TRIM23: variants seen among roughly 807,000 people sequenced by gnomAD.
TRIM23 encodes E3 ubiquitin-protein ligase TRIM23.
Under a neutral mutation model 71.0 loss-of-function variants are expected in TRIM23, and 27 were observed. The ratio of observed to expected loss-of-function variants is 0.38; its 90% CI spans 0.28 to 0.52. The LOEUF is 0.52. TRIM23 is among the 20% of genes least tolerant of loss of function. The pLI, the probability that TRIM23 is intolerant of heterozygous loss-of-function variation, is 0.84. For synonymous variants in TRIM23, 234 were observed against 238.0 expected, an observed-to-expected ratio of 0.98 and a Z score of 0.16; for missense variants, 482 against 692.3, an observed-to-expected ratio of 0.70 and a Z score of 3.41.
chr5:65,597,237 TA>T (rs1754232193), intron 7 of TRIM23, 57 bp from the exon 8 acceptor site: 1 of 1,547,266 alleles, frequency 6.5e-7, no homozygotes, highest in Admixed American at 1.7e-5. Context: ...TAATAGCATT[TA>T]GCACCTTTAT....
intron 2 of TRIM23, among the ~76,000 whole-genome samples, chr5:65,616,328 G>A (rs560241042): frequency 9.2e-5 from 14 of 152,230 alleles, no homozygotes; most frequent in African/African-American, 3.1e-4. Context: ...TGGTATTAAT[G>A]TAGAGAAGGT....
At position 65,590,683 on chromosome 5, in the gene TRIM23, A is replaced by T; in HGVS notation, c.*1086T>A. ...TGAATAATTAATGTAAACTTTTTGA[A>T]TTTTTTTTTTCTTTAGACATTTTTC... On this transcript the variant is annotated 3_prime_UTR_variant, in exon 11 of 11. Coordinates refer to ENST00000231524, the MANE Select transcript of TRIM23 (RefSeq NM_001656.4). 3.3e-6 allele frequency: 3 copies of T among 909,318 alleles called. No homozygotes were observed. Among genetic ancestry groups the T allele is most frequent in the Non-Finnish European group, 3.9e-6 (3 of 759,880 alleles). 56.3% of individuals were successfully genotyped at this position (909,318 alleles called of 1,614,324 possible). A position where few individuals can be genotyped will look rare whatever the true frequency, so the allele number is the denominator to read the frequency against.
At chr5:65,611,581 T>A in intron 4 of TRIM23, 22 bp downstream of exon 4, 1 of 1,604,060 alleles carries the variant, frequency 6.2e-7, no homozygotes, top group Non-Finnish European at 8.5e-7. Flanking sequence ...GTGATCCAAC[T>A]GATTAATAAT....
In TRIM23 at chr5:65,624,077, G is replaced by A. The variant is rs976901592; in HGVS notation, c.81+117C>T. ...GGACGAGACTTGTAATGCCAAAAGG[G>A]GCCCAGAGGCCGCGCATCCCACCTA... is the stretch of plus-strand genomic sequence containing the variant. On this transcript the variant is annotated intron_variant, in intron 1 of 10. Transcript: ENST00000231524. 4.3e-5 allele frequency: 51 copies of A among 1,190,842 alleles called. No individual in the cohort carries two copies. In the Admixed American group the frequency reaches 8.9e-4, roughly 21 times the overall value. 73.8% of individuals were successfully genotyped at this position (1,190,842 alleles called of 1,614,324 possible). A position where few individuals can be genotyped will look rare whatever the true frequency, so the allele number is the denominator to read the frequency against.
chr5:65,591,018 G>T lies in TRIM23; in HGVS notation c.*751C>A. The T allele has an allele frequency of 1.0e-6, 1 of 988,520 alleles. No individual in the cohort carries two copies. Among genetic ancestry groups the T allele is most frequent in the African/African-American group, 1.7e-5 (1 of 57,358 alleles). 61.2% of individuals were successfully genotyped at this position (988,520 alleles called of 1,614,324 possible). On this transcript the variant is annotated 3_prime_UTR_variant, in exon 11 of 11. Coordinates refer to ENST00000231524, the MANE Select transcript of TRIM23 (RefSeq NM_001656.4). ...AATTTAGAGCTCTGACCTAGGTTCA[G>T]TCCTGGAAATGGGTCTTTCATAAAT...
intron 9 of TRIM23, among the ~76,000 whole-genome samples, chr5:65,595,171 G>A (rs560831910): frequency 9.2e-5 from 14 of 152,102 alleles, no homozygotes; most frequent in African/African-American, 3.4e-4. Context: ...CAGCACTTTG[G>A]GAGGCTGAGG....
intron 7 of TRIM23, 96 bp downstream of exon 7, chr5:65,604,814 GA>G (rs1754454811): frequency 8.2e-7 from 1 of 1,224,324 alleles, no homozygotes; most frequent in Non-Finnish European, 1.1e-6. Flanking sequence ...CCTAATTCAT[GA>G]ATTTCATGGT....
chr5:65,603,793 C>T (rs1365368230), intron 7 of TRIM23, among the ~76,000 whole-genome samples: 1 of 151,978 alleles, frequency 6.6e-6, no homozygotes, highest in East Asian at 1.9e-4. Context: ...ATATATCAAC[C>T]AAATCCCAAG....
In TRIM23 at chr5:65,590,520, T is replaced by G; in HGVS notation, c.*1249A>C. The G allele has an allele frequency of 8.5e-7, 1 of 1,171,334 alleles. No homozygotes were observed. 72.6% of individuals were successfully genotyped at this position (1,171,334 alleles called of 1,614,324 possible). A position where few individuals can be genotyped will look rare whatever the true frequency, so the allele number is the denominator to read the frequency against. Reference sequence around the variant, plus strand: ...AATTCAACTAATAAGATTTAAGATTTAACTTCATCCTAATGTATCAGAACA... The same window carrying G: ...AATTCAACTAATAAGATTTAAGATTGAACTTCATCCTAATGTATCAGAACA... On this transcript the variant is annotated 3_prime_UTR_variant, in exon 11 of 11. Coordinates refer to ENST00000231524, the MANE Select transcript of TRIM23 (RefSeq NM_001656.4).
At chr5:65,614,308 T>G (rs1754727811) in intron 2 of TRIM23, 89 bp from the exon 3 acceptor site, 1 of 1,249,064 alleles carries the variant, frequency 8.0e-7, no homozygotes. Flanking sequence ...TCTAATATAG[T>G]TCAGTAGTTA....
At chr5:65,612,210 G>T (rs1271884568) in intron 3 of TRIM23, among the ~76,000 whole-genome samples, 1 of 152,136 alleles carries the variant, frequency 6.6e-6, no homozygotes, top group Non-Finnish European at 1.5e-5. Flanking sequence ...CCATAGAGAA[G>T]TCAAAAGTCT....
chr5:65,613,298 T>G (rs1220796309), intron 3 of TRIM23, among the ~76,000 whole-genome samples: 1 of 152,002 alleles, frequency 6.6e-6, no homozygotes, highest in Non-Finnish European at 1.5e-5. Context: ...GAAAACAGAG[T>G]GTTGCAGTTT....
chr5:65,606,441 C>T (rs13165845), intron 6 of TRIM23, among the ~76,000 whole-genome samples: 7,150 of 149,856 alleles, frequency 0.048, 317 homozygotes, highest in African/African-American at 0.098. Context: ...AAGACCCTGT[C>T]CCCAACCCAC....
chr5:65,613,501 AC>A (rs1484585378), intron 3 of TRIM23, among the ~76,000 whole-genome samples: 6 of 152,254 alleles, frequency 3.9e-5, no homozygotes, highest in Non-Finnish European at 8.8e-5. Flanking sequence ...GTCCTATAGT[AC>A]ATATGTGCAG....
In TRIM23 at chr5:65,624,115, C is replaced by T. The variant is rs1314570086; in HGVS notation, c.81+79G>A. 5 of 1,571,720 alleles carry T rather than the reference C, an allele frequency of 3.2e-6. No homozygotes were observed. The South Asian group carries it at 3.3e-5, about 11-fold the overall frequency. Reference sequence around the variant, plus strand: ...CGCATCCCACCTATCGAAGCCTGGGCCGCGGCGATGCCGCCAGGTCTCCAG... The same window carrying T: ...CGCATCCCACCTATCGAAGCCTGGGTCGCGGCGATGCCGCCAGGTCTCCAG... On this transcript the variant is annotated intron_variant, in intron 1 of 10. Coordinates refer to ENST00000231524, the MANE Select transcript of TRIM23 (RefSeq NM_001656.4).
chr5:65,616,268 C>G (rs1754775987), intron 2 of TRIM23, among the ~76,000 whole-genome samples: 1 of 152,116 alleles, frequency 6.6e-6, no homozygotes, highest in Non-Finnish European at 1.5e-5. Flanking sequence ...AGTTCCCTGT[C>G]ATAAATTTCT....
At chr5:65,599,148 G>C (rs1754292825) in intron 7 of TRIM23, among the ~76,000 whole-genome samples, 1 of 149,642 alleles carries the variant, frequency 6.7e-6, no homozygotes, top group African/African-American at 2.4e-5. Flanking sequence ...CAGATGACAT[G>C]ATCTTGTATG....
At chr5:65,622,417 T>C (rs1301925388) in intron 1 of TRIM23, among the ~76,000 whole-genome samples, 1 of 152,206 alleles carries the variant, frequency 6.6e-6, no homozygotes, top group Non-Finnish European at 1.5e-5. Flanking sequence ...TCCGCCCACT[T>C]TGGCCTCCCA....
chr5:65,591,253 TA>T lies in TRIM23; in HGVS notation c.*515del, dbSNP rs557141867. The T allele has an allele frequency of 2.1e-4, 276 of 1,303,372 alleles. No homozygotes were observed. The African/African-American group carries it at 4.1e-3, about 19-fold the overall frequency. 80.7% of individuals were successfully genotyped at this position (1,303,372 alleles called of 1,614,324 possible). Reference sequence around the variant, plus strand: ...GTTAACTCTGAACATAAACATAAAGTAATCCTATTATCCAAATATGTAGTTT... The same window carrying T: ...GTTAACTCTGAACATAAACATAAAGTATCCTATTATCCAAATATGTAGTTT... On this transcript the variant is annotated 3_prime_UTR_variant, in exon 11 of 11. Transcript: ENST00000231524.
Sources: gnomAD v4.1 joint callset for allele counts (sites outside exome capture counted in the v4.1 genomes callset) on GRCh38, gnomAD v4.1.1 for gene constraint, MANE v1.5 for transcripts, NCBI Gene and HGNC (gene_info 2026-07-23, HGNC 2026-07-21) for gene names.